Variants in ASCC3 observed in about 807,000 individuals in gnomAD.
The protein encoded by ASCC3 is activating signal cointegrator 1 complex subunit 3.
A neutral mutation model predicts 256.3 loss-of-function variants in ASCC3; 158 were observed. That is an observed-to-expected ratio of 0.62 (90% CI 0.54 to 0.70). The LOEUF (loss-of-function observed/expected upper bound fraction) is 0.70. ASCC3 is among the 30% of genes least tolerant of loss of function. The probability of loss-of-function intolerance (pLI) is 0.00; values close to 1 mark genes in which losing one functional copy is unlikely to be tolerated. For synonymous variants in ASCC3, 948 were observed against 883.4 expected, an observed-to-expected ratio of 1.07 and a Z score of -1.30; for missense variants, 2,259 against 2,626.0, an observed-to-expected ratio of 0.86 and a Z score of 3.05.
rs1457452189 is a variant in ASCC3 at position 100,805,891 on chromosome 6, G to C, written c.802-11C>G. ...CAGCAGTTCAAATAGCTTATAAAAA[G>C]AGAAAAAAGTAACAAACATCAGTTA... On this transcript the variant is annotated splice_polypyrimidine_tract_variant and intron_variant, in intron 4 of 41. Coordinates refer to ENST00000369162, the MANE Select transcript of ASCC3 (RefSeq NM_006828.4). 1 of 1,608,334 alleles carries C rather than the reference G, an allele frequency of 6.2e-7. No individual in the cohort carries two copies. The highest frequency in any genetic ancestry group is 8.5e-7 in the Non-Finnish European group (1 of 1,177,422).
At chr6:100,580,948 A>G (rs1771205743) in intron 36 of ASCC3, among the ~76,000 whole-genome samples, 1 of 152,068 alleles carries the variant, frequency 6.6e-6, no homozygotes, top group African/African-American at 2.4e-5. Flanking sequence ...TCCATGGTGT[A>G]TATGTGCCAC....
At chr6:100,566,616 T>TG (rs1257791644) in intron 36 of ASCC3, among the ~76,000 whole-genome samples, 1 of 152,220 alleles carries the variant, frequency 6.6e-6, no homozygotes, top group Non-Finnish European at 1.5e-5. Flanking sequence ...ATGGATAAAT[T>TG]GTCTCTACTT....
intron 30 of ASCC3, among the ~76,000 whole-genome samples, chr6:100,616,315 TA>T (rs1773660321): frequency 6.6e-6 from 1 of 152,236 alleles, no homozygotes; most frequent in South Asian, 2.1e-4. Flanking sequence ...CTCTAGCATC[TA>T]AAAACACTTT....
intron 11 of ASCC3, among the ~76,000 whole-genome samples, chr6:100,720,523 A>C (rs1199460693): frequency 6.6e-6 from 1 of 151,842 alleles, no homozygotes; most frequent in Non-Finnish European, 1.5e-5. Context: ...AAGTTAGATT[A>C]GTTTCGTTTT....
At chr6:100,728,904 T>C (rs1779764380) in intron 10 of ASCC3, among the ~76,000 whole-genome samples, 2 of 152,112 alleles carry the variant, frequency 1.3e-5, no homozygotes, top group Admixed American at 1.3e-4. Context: ...ATAGCACGAA[T>C]ACATCAGAAA....
intron 10 of ASCC3, among the ~76,000 whole-genome samples, chr6:100,739,749 G>A (rs969498846): frequency 6.6e-6 from 1 of 152,088 alleles, no homozygotes; most frequent in South Asian, 2.1e-4. Flanking sequence ...ATTCTGTGGT[G>A]GCTGGTTATA....
intron 14 of ASCC3, among the ~76,000 whole-genome samples, chr6:100,676,217 G>T (rs747220789): frequency 2.0e-5 from 3 of 152,016 alleles, no homozygotes; most frequent in Non-Finnish European, 4.4e-5. Flanking sequence ...TCTAAAAATA[G>T]ATTTCTATGA....
At chr6:100,740,424 A>G (rs1780378183) in intron 10 of ASCC3, among the ~76,000 whole-genome samples, 1 of 152,130 alleles carries the variant, frequency 6.6e-6, no homozygotes, top group South Asian at 2.1e-4. Context: ...TTTTGGGTGG[A>G]GAGTTCTGTA....
At chr6:100,649,748 TTTC>T (rs1430456272) in intron 20 of ASCC3, among the ~76,000 whole-genome samples, 4 of 151,592 alleles carry the variant, frequency 2.6e-5, no homozygotes, top group Non-Finnish European at 1.5e-5. Context: ...TAAGCTTTAA[TTTC>T]TTCTTAATTT....
chr6:100,608,090 C>CTATATATACATATATATGTATATATATG (rs1474884642), intron 30 of ASCC3, among the ~76,000 whole-genome samples: 1 of 71,622 alleles, frequency 1.4e-5, no homozygotes, highest in Non-Finnish European at 2.7e-5. Flanking sequence ...GTATATATAT[C>CTATATATACATATATATGTATATATATG]TATATACACA....
intron 21 of ASCC3, 130 bp downstream of exon 21, chr6:100,647,096 A>C (rs1562195742): frequency 4.2e-6 from 4 of 950,366 alleles, no homozygotes; most frequent in Non-Finnish European, 4.8e-6. Flanking sequence ...AGATAAATGA[A>C]AAAGATTTAT....
intron 2 of ASCC3, among the ~76,000 whole-genome samples, chr6:100,867,157 T>G (rs920170093): frequency 3.3e-5 from 5 of 152,152 alleles, no homozygotes; most frequent in Non-Finnish European, 5.9e-5. Context: ...AAAACAAAAA[T>G]GATCTTCCAA....
chr6:100,848,028 A>T, intron 4 of ASCC3, 120 bp downstream of exon 4: 2 of 975,902 alleles, frequency 2.0e-6, no homozygotes, highest in Non-Finnish European at 1.5e-6. Flanking sequence ...ATTTGGCTAT[A>T]GATTCAACTA....
chr6:100,775,846 A>AG (rs1395106515), intron 8 of ASCC3, among the ~76,000 whole-genome samples: 3 of 145,154 alleles, frequency 2.1e-5, no homozygotes, highest in African/African-American at 8.2e-5. Flanking sequence ...TTGTGACAGC[A>AG]GTTAAAAAAA....
At chr6:100,621,495 C>T (rs559965156) in intron 30 of ASCC3, among the ~76,000 whole-genome samples, 136 of 152,224 alleles carry the variant, frequency 8.9e-4, no homozygotes, top group African/African-American at 3.2e-3. Context: ...AAAGGCTCAG[C>T]ATCACTGATC....
chr6:100,706,055 A>G (rs1336070204), intron 13 of ASCC3, among the ~76,000 whole-genome samples: 1 of 151,850 alleles, frequency 6.6e-6, no homozygotes, highest in Non-Finnish European at 1.5e-5. Context: ...TACATAATTT[A>G]CCATACTTAC....
chr6:100,518,702 C>T (rs922751825), intron 37 of ASCC3, among the ~76,000 whole-genome samples: 20 of 152,120 alleles, frequency 1.3e-4, no homozygotes, highest in African/African-American at 3.9e-4. Flanking sequence ...AGAAGCTATT[C>T]ATATTAGTCT....
Position 100,607,074 on chromosome 6 carries a change from A to T in ASCC3, c.4800T>A (p.Ile1600=). 1 of 1,613,652 alleles carries T rather than the reference A, an allele frequency of 6.2e-7. No individual in the cohort carries two copies. Among genetic ancestry groups the T allele is most frequent in the Non-Finnish European group, 8.5e-7 (1 of 1,179,774 alleles). The change falls in exon 31 of 42, where the codon ATT becomes ATA. Residue 1600 remains isoleucine, a synonymous_variant. Transcript: ENST00000369162. ...TGAGGTTGGAATCTCTTACTGTTGC[A>T]ATGATGTTCTCCATCTGCAAGTAAA... is the stretch of plus-strand genomic sequence containing the variant. ...NMDEREMENI[I]ATVRDSNLKL...
intron 11 of ASCC3, among the ~76,000 whole-genome samples, chr6:100,723,925 A>G (rs1779491206): frequency 7.0e-6 from 1 of 142,868 alleles, no homozygotes; most frequent in Non-Finnish European, 1.5e-5. Flanking sequence ...ACACATATAT[A>G]TAATATATAT....
Sources: gnomAD v4.1 joint callset for allele counts (sites outside exome capture counted in the v4.1 genomes callset) on GRCh38, gnomAD v4.1.1 for gene constraint, MANE v1.5 for transcripts, NCBI Gene and HGNC (gene_info 2026-07-23, HGNC 2026-07-21) for gene names.